SEMA5A: variants seen among roughly 807,000 people sequenced by gnomAD.
SEMA5A encodes the protein semaphorin-5A.
SEMA5A carries 55 observed loss-of-function variants against 135.5 expected under a neutral mutation model. That is an observed-to-expected ratio of 0.41 (90% CI 0.33 to 0.51). The LOEUF is 0.51. Among genes scored for constraint, SEMA5A ranks in the 20% least tolerant of loss-of-function variants. The pLI, the probability that SEMA5A is intolerant of heterozygous loss-of-function variation, is 0.37. For synonymous variants in SEMA5A, 580 were observed against 546.5 expected (o/e 1.06, Z -0.85); for missense variants, 1,290 against 1,419.9 (o/e 0.91, Z 1.47).
chr5:9,209,650 C>T (rs899563322), intron 8 of SEMA5A, among the ~76,000 whole-genome samples: 3 of 152,154 alleles, frequency 2.0e-5, no homozygotes, highest in Non-Finnish European at 2.9e-5. Flanking sequence ...AATAAGGAAA[C>T]GTGCATGATG....
intron 5 of SEMA5A, among the ~76,000 whole-genome samples, chr5:9,273,955 C>A (rs1243032609): frequency 6.6e-6 from 1 of 152,066 alleles, no homozygotes; most frequent in African/African-American, 2.4e-5. Context: ...AACCAGCTAG[C>A]ATCATAATGA....
chr5:9,140,206 T>A (rs866884469), intron 12 of SEMA5A, among the ~76,000 whole-genome samples: 3 of 152,204 alleles, frequency 2.0e-5, no homozygotes, highest in Admixed American at 1.3e-4. Context: ...AAATAAAAAA[T>A]TATTCCAATG....
intron 3 of SEMA5A, among the ~76,000 whole-genome samples, chr5:9,365,267 T>G (rs1300220318): frequency 6.6e-6 from 1 of 152,074 alleles, no homozygotes; most frequent in Non-Finnish European, 1.5e-5. Context: ...TCATTTGGAG[T>G]GTAAAATTTC....
At chr5:9,407,990 C>A (rs1326722808) in intron 2 of SEMA5A, among the ~76,000 whole-genome samples, 2 of 91,702 alleles carry the variant, frequency 2.2e-5, no homozygotes, top group African/African-American at 9.7e-5. Context: ...ATCACTACTA[C>A]TGCCATCATC....
chr5:9,237,697 A>C, intron 6 of SEMA5A, 131 bp downstream of exon 6: 1 of 675,018 alleles, frequency 1.5e-6, no homozygotes, highest in Non-Finnish European at 2.5e-6. Flanking sequence ...TACCGTATAC[A>C]TATTTTGAAT....
intron 5 of SEMA5A, among the ~76,000 whole-genome samples, chr5:9,245,147 A>G (rs1475483552): frequency 6.6e-6 from 1 of 152,196 alleles, no homozygotes; most frequent in East Asian, 1.9e-4. Context: ...TAAATTGTGG[A>G]CAATTCTGAG....
intron 1 of SEMA5A, chr5:9,498,797 C>A (rs1198295022): frequency 6.6e-6 from 1 of 151,944 alleles, no homozygotes; most frequent in Non-Finnish European, 1.5e-5. Context: ...TACCTGGAAT[C>A]AAACTTAAAC....
At chr5:9,417,243 CACAG>C (rs1421198262) in intron 2 of SEMA5A, among the ~76,000 whole-genome samples, 4 of 152,212 alleles carry the variant, frequency 2.6e-5, no homozygotes, top group East Asian at 1.9e-4. Flanking sequence ...GTACACAATT[CACAG>C]ACAATTGTTT....
At chr5:9,408,002 C>CCAT (rs766525666) in intron 2 of SEMA5A, among the ~76,000 whole-genome samples, 3 of 151,136 alleles carry the variant, frequency 2.0e-5, no homozygotes, top group African/African-American at 4.9e-5. Context: ...GCCATCATCA[C>CCAT]CATCACTACC....
At chr5:9,353,133 A>G (rs1349188411) in intron 3 of SEMA5A, among the ~76,000 whole-genome samples, 25 of 74,984 alleles carry the variant, frequency 3.3e-4, no homozygotes, top group Middle Eastern at 7.9e-3. Context: ...AAAGGAAAGG[A>G]AAGGAAAGGA....
At chr5:9,414,612 T>C (rs1399523025) in intron 2 of SEMA5A, among the ~76,000 whole-genome samples, 1 of 152,194 alleles carries the variant, frequency 6.6e-6, no homozygotes, top group East Asian at 1.9e-4. Flanking sequence ...TTCATGCAAA[T>C]GCAACAAGAA....
At chr5:9,150,028 C>T (rs1742548619) in intron 12 of SEMA5A, among the ~76,000 whole-genome samples, 1 of 152,178 alleles carries the variant, frequency 6.6e-6, no homozygotes, top group African/African-American at 2.4e-5. Flanking sequence ...ATTGTAGAGA[C>T]AGGTCTCATC....
intron 7 of SEMA5A, among the ~76,000 whole-genome samples, chr5:9,225,389 TAAAAAAAAAA>T (rs34806769): frequency 4.6e-5 from 2 of 43,084 alleles, no homozygotes; most frequent in Non-Finnish European, 7.7e-5. Context: ...CCATCTCTAC[TAAAAAAAAAA>T]AAAAAAAAAA....
chr5:9,100,935 A>G (rs1739595219), intron 16 of SEMA5A, among the ~76,000 whole-genome samples: 1 of 152,084 alleles, frequency 6.6e-6, no homozygotes, highest in Admixed American at 6.6e-5. Context: ...GCACAACTGT[A>G]TGCATTGCCT....
At chr5:9,233,573 G>A (rs1185443315) in intron 6 of SEMA5A, among the ~76,000 whole-genome samples, 1 of 151,738 alleles carries the variant, frequency 6.6e-6, no homozygotes, top group Admixed American at 6.6e-5. Flanking sequence ...ACTTTACAAG[G>A]GCTTGGCAGC....
intron 5 of SEMA5A, among the ~76,000 whole-genome samples, chr5:9,279,297 T>G (rs1407685243): frequency 6.6e-6 from 1 of 152,224 alleles, no homozygotes; most frequent in Admixed American, 6.5e-5. Flanking sequence ...ACCCTTTGTT[T>G]TGGCCAATTT....
chr5:9,122,533 T>C, intron 14 of SEMA5A, 123 bp downstream of exon 14: 1 of 948,146 alleles, frequency 1.1e-6, no homozygotes, highest in Non-Finnish European at 1.4e-6. Context: ...AAATGGTGAA[T>C]GTCCCTGGTG....
rs1049862455 is a variant in SEMA5A at position 9,256,879 on chromosome 5, G to T, written c.271-18989C>A. On this transcript the variant is annotated intron_variant, in intron 5 of 22. Transcript: ENST00000382496. ...CCTGGTTTTAAGAGTATAAGTTCAA[G>T]ATTAGCATGAAGAGTGAAAAAATCA... 1.3e-5 allele frequency among the ~76,000 whole-genome samples: 2 copies of T among 152,216 alleles called. 1 individual carries two copies. Among genetic ancestry groups the T allele is most frequent in the South Asian group, 4.1e-4 (2 of 4,826 alleles).
chr5:9,333,373 T>C (rs1753244650), intron 4 of SEMA5A, among the ~76,000 whole-genome samples: 1 of 152,220 alleles, frequency 6.6e-6, no homozygotes, highest in African/African-American at 2.4e-5. Flanking sequence ...AACACTGCCT[T>C]ATGTGTCAAC....
Sources: allele counts gnomAD v4.1 joint callset (sites outside exome capture counted in the v4.1 genomes callset), GRCh38; gene constraint gnomAD v4.1.1; transcripts MANE v1.5; gene names NCBI Gene and HGNC (gene_info 2026-07-23, HGNC 2026-07-21).